Variants in SEMA6D observed in about 807,000 individuals in gnomAD.
SEMA6D encodes semaphorin-6D.
SEMA6D carries 35 observed loss-of-function variants against 106.6 expected under a neutral mutation model. The observed-to-expected ratio is 0.33, with a 90% CI of 0.25 to 0.44. The LOEUF is 0.44. Among genes scored for constraint, SEMA6D ranks in the 20% least tolerant of loss-of-function variants. The probability of loss-of-function intolerance (pLI) is 1.00; values close to 1 mark genes in which losing one functional copy is unlikely to be tolerated. For synonymous variants in SEMA6D, 499 were observed against 487.7 expected, an observed-to-expected ratio of 1.02 and a Z score of -0.31; for missense variants, 1,185 against 1,345.9, an observed-to-expected ratio of 0.88 and a Z score of 1.87.
chr15:47,357,954 A>G (rs564362486), intron 1 of SEMA6D, among the ~76,000 whole-genome samples: 2 of 152,372 alleles, frequency 1.3e-5, no homozygotes, highest in East Asian at 3.9e-4. Context: ...TATTCTTAAT[A>G]GAAAGACATA....
chr15:47,454,687 T>C (rs1029773918), intron 2 of SEMA6D, among the ~76,000 whole-genome samples: 1 of 151,886 alleles, frequency 6.6e-6, no homozygotes, highest in Admixed American at 6.6e-5. Flanking sequence ...ATAGGATTCT[T>C]ATTCACCTCA....
intron 1 of SEMA6D, among the ~76,000 whole-genome samples, chr15:47,386,819 T>G (rs2039854971): frequency 6.6e-6 from 1 of 152,220 alleles, no homozygotes; most frequent in African/African-American, 2.4e-5. Flanking sequence ...GAATGGGTTG[T>G]TTTAGCCAGA....
Position 47,552,824 on chromosome 15 carries a change from ATATTTT to A in SEMA6D, c.-86-48037_-86-48032del, listed in dbSNP as rs1255301213. 3.9e-4 allele frequency among the ~76,000 whole-genome samples: 21 copies of A among 53,868 alleles called. 1 individual carries two copies. The highest frequency in any genetic ancestry group is 1.9e-3 in the African/African-American group (17 of 9,128). 35.3% of individuals were successfully genotyped at this position (53,868 alleles called of 152,430 possible). A position where few individuals can be genotyped will look rare whatever the true frequency, so the allele number is the denominator to read the frequency against. On this transcript the variant is annotated intron_variant, in intron 3 of 19. Transcript: ENST00000558014. ...TATATAAAAATATATATAAATATATATATTTTTATATATATATAAATATATATAAAT... is the reference window on the plus strand; with the variant it reads ...TATATAAAAATATATATAAATATATATATATATATATAAATATATATAAAT...
intron 4 of SEMA6D, among the ~76,000 whole-genome samples, chr15:47,643,390 G>C (rs2077525264): frequency 6.6e-6 from 1 of 152,184 alleles, no homozygotes; most frequent in African/African-American, 2.4e-5. Context: ...TGGCAGGTTT[G>C]AAAGAGGAAG....
chr15:47,692,141 G>A (rs2078600092), intron 4 of SEMA6D, among the ~76,000 whole-genome samples: 2 of 152,144 alleles, frequency 1.3e-5, no homozygotes, highest in Admixed American at 6.5e-5. Context: ...AGCTATGGGT[G>A]TTTAATAGCC....
At chr15:47,619,333 T>G (rs2077059972) in intron 4 of SEMA6D, among the ~76,000 whole-genome samples, 1 of 152,192 alleles carries the variant, frequency 6.6e-6, no homozygotes, top group Admixed American at 6.5e-5. Flanking sequence ...GAGGGTGGGG[T>G]TCTCCACACC....
At chr15:47,674,107 C>G (rs2078194535) in intron 4 of SEMA6D, among the ~76,000 whole-genome samples, 1 of 152,168 alleles carries the variant, frequency 6.6e-6, no homozygotes, top group South Asian at 2.1e-4. Flanking sequence ...AGCACTGGCT[C>G]CTGGGACCCC....
At chr15:47,210,321 A>G (rs1895398660) in intron 1 of SEMA6D, among the ~76,000 whole-genome samples, 1 of 152,198 alleles carries the variant, frequency 6.6e-6, no homozygotes, top group Non-Finnish European at 1.5e-5. Context: ...TCTGGAAGTC[A>G]TCATAAATAA....
intron 1 of SEMA6D, among the ~76,000 whole-genome samples, chr15:47,224,407 G>A (rs980405928): frequency 6.6e-6 from 1 of 151,924 alleles, no homozygotes; most frequent in Non-Finnish European, 1.5e-5. Context: ...TGTTTGCCAG[G>A]CACTATGCTA....
At chr15:47,461,058 C>G (rs999344281) in intron 2 of SEMA6D, among the ~76,000 whole-genome samples, 4 of 152,096 alleles carry the variant, frequency 2.6e-5, no homozygotes, top group Non-Finnish European at 5.9e-5. Context: ...TCTTTTTGCT[C>G]CTTGAGCAAG....
intron 1 of SEMA6D, among the ~76,000 whole-genome samples, chr15:47,224,177 A>G (rs938834126): frequency 1.3e-5 from 2 of 151,514 alleles, no homozygotes; most frequent in African/African-American, 4.8e-5. Flanking sequence ...AAAAAAAATA[A>G]TAAAATAAAA....
intron 3 of SEMA6D, among the ~76,000 whole-genome samples, chr15:47,521,451 G>T (rs1846756525): frequency 6.6e-6 from 1 of 152,098 alleles, no homozygotes; most frequent in South Asian, 2.1e-4. Flanking sequence ...TGACTACCTG[G>T]TGTCCACTTC....
chr15:47,536,597 C>A (rs192878695), intron 3 of SEMA6D, among the ~76,000 whole-genome samples: 28 of 152,260 alleles, frequency 1.8e-4, no homozygotes, highest in African/African-American at 6.7e-4. Flanking sequence ...CATGTCTTCA[C>A]CTGAAAAATA....
chr15:47,233,655 G>T (rs1490368370), intron 1 of SEMA6D, among the ~76,000 whole-genome samples: 1 of 151,766 alleles, frequency 6.6e-6, no homozygotes, highest in Non-Finnish European at 1.5e-5. Flanking sequence ...TTGTTCCTGG[G>T]TATTTTATTC....
chr15:47,558,246 G>T (rs1442803628), intron 3 of SEMA6D, among the ~76,000 whole-genome samples: 1 of 152,062 alleles, frequency 6.6e-6, no homozygotes, highest in African/African-American at 2.4e-5. Flanking sequence ...TAGAACCAAG[G>T]TTGAGCTTTA....
intron 3 of SEMA6D, among the ~76,000 whole-genome samples, chr15:47,585,742 A>G (rs1405790285): frequency 6.8e-6 from 1 of 147,218 alleles, no homozygotes; most frequent in Non-Finnish European, 1.5e-5. Context: ...TGTGCTATGC[A>G]CTGGGCTAAG....
At chr15:47,283,303 C>T (rs560487684) in intron 1 of SEMA6D, among the ~76,000 whole-genome samples, 3 of 152,234 alleles carry the variant, frequency 2.0e-5, no homozygotes, top group Admixed American at 6.5e-5. Flanking sequence ...TTTTTTCACT[C>T]GAGCACATGC....
chr15:47,415,822 T>C (rs757789927), intron 2 of SEMA6D, among the ~76,000 whole-genome samples: 1 of 152,190 alleles, frequency 6.6e-6, no homozygotes, highest in South Asian at 2.1e-4. Flanking sequence ...TCACACATCC[T>C]TTAAGAATAA....
chr15:47,438,097 G>T (rs1313868263), intron 2 of SEMA6D, among the ~76,000 whole-genome samples: 1 of 152,098 alleles, frequency 6.6e-6, no homozygotes, highest in East Asian at 1.9e-4. Context: ...TATTCAGCTT[G>T]TAGTATTCAT....
Sources: gnomAD v4.1 joint callset for allele counts (sites outside exome capture counted in the v4.1 genomes callset) on GRCh38, gnomAD v4.1.1 for gene constraint, MANE v1.5 for transcripts, NCBI Gene and HGNC (gene_info 2026-07-23, HGNC 2026-07-21) for gene names.